The following SLC12A3 variants were observed in gnomAD, a reference collection of about 807,000 sequenced individuals.
SLC12A3 encodes solute carrier family 12 member 3.
A neutral mutation model predicts 121.0 loss-of-function variants in SLC12A3; 104 were observed. The ratio of observed to expected loss-of-function variants is 0.86; its 90% CI spans 0.73 to 1.01. The LOEUF (loss-of-function observed/expected upper bound fraction) is 1.01. Among genes scored for constraint, SLC12A3 ranks in the 50% least tolerant of loss-of-function variants. The pLI, the probability that SLC12A3 is intolerant of heterozygous loss-of-function variation, is 0.00. For missense variants in SLC12A3, 1,328 were observed against 1,356.3 expected (o/e 0.98, Z 0.33); for synonymous variants, 536 against 533.4 (o/e 1.00, Z -0.07).
Position 56,867,119 on chromosome 16 carries a change from A to G in SLC12A3, c.332A>G (p.His111Arg). 1 of 1,614,072 alleles carries G rather than the reference A, an allele frequency of 6.2e-7. No individual in the cohort carries two copies. The highest frequency in any genetic ancestry group is 8.5e-7 in the Non-Finnish European group (1 of 1,180,032). Reference protein sequence around the residue: ...HALAFDSRPSHEMTDGLVEGE... With the variant: ...HALAFDSRPSREMTDGLVEGE... The stretch of plus-strand genomic sequence containing the variant: ...CTGGCCTTTGACAGCCGGCCCAGCC[A>G]CGAGATGACTGATGGGCTGGTGGAG... Residue 111 changes from histidine (H) to arginine (R), a missense_variant, in exon 2 of 26, where the codon CAC (histidine) becomes CGC (arginine). Coordinates refer to ENST00000563236, the MANE Select transcript of SLC12A3 (RefSeq NM_001126108.2).
At chr16:56,876,921 C>T (rs1387494353) in intron 8 of SLC12A3, among the ~76,000 whole-genome samples, 2 of 152,196 alleles carry the variant, frequency 1.3e-5, no homozygotes, top group African/African-American at 4.8e-5. Context: ...GAGCCCGAGG[C>T]TGTTGACTTT....
chr16:56,875,596 C>T (rs2055155500), intron 8 of SLC12A3, among the ~76,000 whole-genome samples: 1 of 152,048 alleles, frequency 6.6e-6, no homozygotes, highest in Non-Finnish European at 1.5e-5. Flanking sequence ...TTTGTGCTGC[C>T]TCAGGGCATG....
intron 11 of SLC12A3, 84 bp downstream of exon 11, chr16:56,879,733 C>A: frequency 1.1e-6 from 1 of 947,000 alleles, no homozygotes; most frequent in Non-Finnish European, 1.7e-6. Context: ...TGGGTGACTG[C>A]TACAAACACC....
At chr16:56,903,898 G>T (rs1275284231) in intron 24 of SLC12A3, among the ~76,000 whole-genome samples, 1 of 152,234 alleles carries the variant, frequency 6.6e-6, no homozygotes, top group Non-Finnish European at 1.5e-5. Flanking sequence ...TGTTACAGAA[G>T]AAGTGGGGCA....
At chr16:56,904,934 G>C in intron 25 of SLC12A3, 2 of 277,208 alleles carry the variant, frequency 7.2e-6, no homozygotes, top group South Asian at 7.7e-5. Context: ...GTCCAGTTCT[G>C]AGCCACCCCT....
intron 6 of SLC12A3, 52 bp downstream of exon 6, chr16:56,870,788 G>A (rs766300790): frequency 9.0e-7 from 1 of 1,115,688 alleles, no homozygotes; most frequent in South Asian, 1.2e-5. Flanking sequence ...TGGAGAAGCG[G>A]GGGTTGCCAG....
intron 3 of SLC12A3, 95 bp downstream of exon 3, chr16:56,868,467 C>A (rs1964413294): frequency 7.9e-7 from 1 of 1,263,710 alleles, no homozygotes; most frequent in Non-Finnish European, 1.1e-6. Context: ...CCCAAGGTTG[C>A]AGGATTAAAC....
Position 56,879,600 on chromosome 16 carries a change from C to G in SLC12A3, c.1394C>G (p.Thr465Ser). 1 of 1,613,784 alleles carries G rather than the reference C, an allele frequency of 6.2e-7. No individual in the cohort carries two copies. The highest frequency in any genetic ancestry group is 8.5e-7 in the Non-Finnish European group (1 of 1,179,996). Residue 465 changes from threonine (T) to serine (S), a missense_variant, in exon 11 of 26, where the codon ACC becomes AGC. Coordinates refer to ENST00000563236, the MANE Select transcript of SLC12A3 (RefSeq NM_001126108.2). ...ATCACGGCTGGCATCTTCGGGGCCA[C>G]CCTCTCCTCTGCCCTGGCCTGCCTT... The part of the protein sequence containing the change: ...PLITAGIFGA[T>S]LSSALACLVS...
At position 56,886,975 on chromosome 16, in the gene SLC12A3, C is replaced by A. The variant is rs767348362; in HGVS notation, c.2060C>A (p.Pro687His). The A allele has an allele frequency of 1.2e-6, 2 of 1,613,790 alleles. No homozygotes were observed. The highest frequency in any genetic ancestry group is 4.5e-5 in the East Asian group (2 of 44,856). ...CAGGGACCCCACAAGCAGAGGATGC[C>A]TGAGCTCCAGCTCATCGCCAACGGG... Reference protein sequence around the residue: ...VLIGPHKQRMPELQLIANGHT... With the variant: ...VLIGPHKQRMHELQLIANGHT... The change falls in exon 17 of 26, where the codon CCT (proline) becomes CAT (histidine). Residue 687 changes from proline to histidine, a missense_variant. Coordinates refer to ENST00000563236, the MANE Select transcript of SLC12A3 (RefSeq NM_001126108.2).
At chr16:56,900,684 C>G (rs1337446381) in intron 23 of SLC12A3, among the ~76,000 whole-genome samples, 3 of 152,122 alleles carry the variant, frequency 2.0e-5, no homozygotes, top group African/African-American at 4.8e-5. Context: ...GAGCACACCA[C>G]TGTGCCCGGC....
At chr16:56,875,759 TGAG>T (rs1465983801) in intron 8 of SLC12A3, among the ~76,000 whole-genome samples, 1 of 145,224 alleles carries the variant, frequency 6.9e-6, no homozygotes, top group Non-Finnish European at 1.5e-5. Flanking sequence ...AGAGGTGGGC[TGAG>T]ATGTGGACCT....
At chr16:56,907,488 G>A (rs1567449774) in intron 25 of SLC12A3, among the ~76,000 whole-genome samples, 3 of 152,310 alleles carry the variant, frequency 2.0e-5, no homozygotes, top group South Asian at 2.1e-4. Flanking sequence ...TTCCATACAC[G>A]ACAGCAGTTT....
intron 1 of SLC12A3, 57 bp from the exon 2 acceptor site, chr16:56,867,013 C>A: frequency 1.3e-6 from 2 of 1,598,942 alleles, no homozygotes; most frequent in Non-Finnish European, 1.7e-6. Flanking sequence ...GGGCTGGATG[C>A]AGAGACGCCG....
At chr16:56,883,680 G>C (rs540997441) in intron 13 of SLC12A3, among the ~76,000 whole-genome samples, 2 of 152,210 alleles carry the variant, frequency 1.3e-5, no homozygotes, top group Non-Finnish European at 2.9e-5. Flanking sequence ...TGAGGCAGCT[G>C]TCACTAGTGG....
At chr16:56,877,038 G>C (rs2055172499) in intron 8 of SLC12A3, among the ~76,000 whole-genome samples, 1 of 152,246 alleles carries the variant, frequency 6.6e-6, no homozygotes, top group Non-Finnish European at 1.5e-5. Context: ...TTACATTTGA[G>C]AAAGTGCCTA....
At chr16:56,886,109 AG>A (rs1229218757) in intron 15 of SLC12A3, among the ~76,000 whole-genome samples, 1 of 152,222 alleles carries the variant, frequency 6.6e-6, no homozygotes, top group Non-Finnish European at 1.5e-5. Flanking sequence ...TAGGCAGGGC[AG>A]GGGACATGCA....
intron 25 of SLC12A3, among the ~76,000 whole-genome samples, chr16:56,911,755 G>C (rs968791634): frequency 6.6e-6 from 1 of 152,210 alleles, no homozygotes; most frequent in Admixed American, 6.5e-5. Context: ...GTGAGCAGAG[G>C]CTGCTGCGGA....
chr16:56,892,742 C>A (rs2055406063), intron 20 of SLC12A3, among the ~76,000 whole-genome samples: 1 of 152,186 alleles, frequency 6.6e-6, no homozygotes, highest in African/African-American at 2.4e-5. Context: ...GGACTGCCCC[C>A]ACCCCCAGTA....
intron 18 of SLC12A3, 98 bp downstream of exon 18, chr16:56,888,129 T>G (rs1400019289): frequency 7.1e-6 from 6 of 843,784 alleles, no homozygotes; most frequent in Non-Finnish European, 1.2e-5. Flanking sequence ...AAAAGTTGAG[T>G]CCTGCTGGGC....
Sources: gnomAD v4.1 joint callset for allele counts (sites outside exome capture counted in the v4.1 genomes callset) on GRCh38, gnomAD v4.1.1 for gene constraint, MANE v1.5 for transcripts, NCBI Gene and HGNC (gene_info 2026-07-23, HGNC 2026-07-21) for gene names.